Variants in INTU observed in about 807,000 individuals in gnomAD.
INTU encodes inturned planar cell polarity protein.
In INTU, 68 loss-of-function variants were observed where a neutral mutation model predicts 100.5. The observed-to-expected ratio is 0.68, with a 90% CI of 0.56 to 0.83. INTU has a LOEUF of 0.83. Among genes scored for constraint, INTU ranks in the 40% least tolerant of loss-of-function variants. The pLI, the probability that INTU is intolerant of heterozygous loss-of-function variation, is 0.00. For missense variants in INTU, 1,071 were observed against 1,114.7 expected (o/e 0.96, Z 0.56); for synonymous variants, 357 against 395.7 (o/e 0.90, Z 1.16).
chr4:127,650,349 A>G (rs1339805269), intron 2 of INTU, among the ~76,000 whole-genome samples: 1 of 148,246 alleles, frequency 6.7e-6, no homozygotes, highest in Non-Finnish European at 1.5e-5. Context: ...CATTAGGTAT[A>G]TCTCCCAATG....
At chr4:127,680,681 A>C (rs951260325) in intron 6 of INTU, among the ~76,000 whole-genome samples, 1 of 141,440 alleles carries the variant, frequency 7.1e-6, no homozygotes, top group African/African-American at 2.7e-5. Context: ...ATTCCCTTTG[A>C]AAACTGGCAC....
chr4:127,639,449 A>G (rs1727214412), intron 1 of INTU, among the ~76,000 whole-genome samples: 1 of 152,032 alleles, frequency 6.6e-6, no homozygotes, highest in African/African-American at 2.4e-5. Flanking sequence ...GATTATCTAT[A>G]TGTATTGATT....
intron 9 of INTU, among the ~76,000 whole-genome samples, chr4:127,703,325 A>C (rs1730731579): frequency 6.6e-6 from 1 of 152,186 alleles, no homozygotes; most frequent in Non-Finnish European, 1.5e-5. Flanking sequence ...TAAAAGTAAT[A>C]GCTGTGTACG....
At chr4:127,685,661 A>T (rs894880204) in intron 7 of INTU, 14 of 259,668 alleles carry the variant, frequency 5.4e-5, no homozygotes, top group Non-Finnish European at 1.0e-4. Context: ...GAATGTGGTT[A>T]TGAACTGCCT....
At chr4:127,702,405 A>G (rs1439834644) in intron 9 of INTU, among the ~76,000 whole-genome samples, 2 of 152,194 alleles carry the variant, frequency 1.3e-5, no homozygotes, top group Admixed American at 1.3e-4. Flanking sequence ...AAGCAACTTT[A>G]TTTGTAATAG....
chr4:127,661,497 C>G (rs1390259359), intron 3 of INTU, among the ~76,000 whole-genome samples: 1 of 152,120 alleles, frequency 6.6e-6, no homozygotes, highest in African/African-American at 2.4e-5. Context: ...ATGCACAACT[C>G]TCATAGACAC....
intron 2 of INTU, among the ~76,000 whole-genome samples, chr4:127,646,968 A>T (rs1318438260): frequency 6.6e-6 from 1 of 152,220 alleles, no homozygotes; most frequent in Non-Finnish European, 1.5e-5. Context: ...AATTAAAAGG[A>T]TCAATTTCAA....
chr4:127,691,568 T>C (rs1730126337), intron 8 of INTU, among the ~76,000 whole-genome samples: 1 of 152,104 alleles, frequency 6.6e-6, no homozygotes, highest in Non-Finnish European at 1.5e-5. Flanking sequence ...TCTTGTTTGG[T>C]GAAGTGTTTG....
chr4:127,711,859 G>C (rs1731107977), intron 14 of INTU, among the ~76,000 whole-genome samples: 2 of 152,072 alleles, frequency 1.3e-5, no homozygotes, highest in Admixed American at 1.3e-4. Flanking sequence ...AAATTTTTTG[G>C]CATTTGGTTG....
chr4:127,634,587 G>A (rs1371734412), intron 1 of INTU, among the ~76,000 whole-genome samples: 1 of 152,146 alleles, frequency 6.6e-6, no homozygotes, highest in Admixed American at 6.5e-5. Context: ...AGTATTTCAT[G>A]ATTCAAAATA....
At chr4:127,695,541 A>C (rs1370306595) in intron 8 of INTU, among the ~76,000 whole-genome samples, 1 of 152,194 alleles carries the variant, frequency 6.6e-6, no homozygotes, top group Non-Finnish European at 1.5e-5. Context: ...TGGGAGGCGG[A>C]GGCTCCTTAT....
In INTU at chr4:127,655,042, C is replaced by T. The variant is rs544548493; in HGVS notation, c.683-1594C>T. ...GCTCCTGAGGCTTCTGCATTCTTCA[C>T]GTAGTTCTCGAGCCTTGGTTTTTAG... On this transcript the variant is annotated intron_variant, in intron 2 of 15. Transcript: ENST00000335251. Among the ~76,000 whole-genome samples the T allele has an allele frequency of 1.2e-4, 18 of 152,232 alleles. 1 individual carries two copies. Among genetic ancestry groups the T allele is most frequent in the South Asian group, 1.0e-3 (5 of 4,820 alleles).
chr4:127,665,911 A>G (rs906495614), intron 4 of INTU, among the ~76,000 whole-genome samples: 3 of 152,188 alleles, frequency 2.0e-5, no homozygotes, highest in African/African-American at 7.2e-5. Flanking sequence ...GATCAAGTGA[A>G]TACGTGGGAT....
At chr4:127,658,408 C>T (rs933542448) in intron 3 of INTU, among the ~76,000 whole-genome samples, 1 of 152,138 alleles carries the variant, frequency 6.6e-6, no homozygotes, top group Non-Finnish European at 1.5e-5. Context: ...TGTACTGTTA[C>T]CCACTTTAGT....
chr4:127,634,019 T>C (rs1726959350), intron 1 of INTU, among the ~76,000 whole-genome samples: 1 of 152,194 alleles, frequency 6.6e-6, no homozygotes, highest in Non-Finnish European at 1.5e-5. Flanking sequence ...TGGTCAGTTT[T>C]AGGATGACAT....
chr4:127,649,192 A>T (rs1165893607), intron 2 of INTU, among the ~76,000 whole-genome samples: 5 of 152,160 alleles, frequency 3.3e-5, no homozygotes, highest in Admixed American at 2.6e-4. Context: ...AAGGAAAGGA[A>T]CTCTGAACTT....
chr4:127,646,495 G>A (rs1313404062), intron 2 of INTU, among the ~76,000 whole-genome samples: 1 of 151,996 alleles, frequency 6.6e-6, no homozygotes, highest in African/African-American at 2.4e-5. Flanking sequence ...TTTTCTTTTT[G>A]TGATATTAAC....
intron 1 of INTU, 119 bp downstream of exon 1, chr4:127,633,299 A>T: frequency 9.9e-7 from 1 of 1,012,776 alleles, no homozygotes; most frequent in Middle Eastern, 2.5e-4. Context: ...GGGTTCTATA[A>T]TAAGTGGGAT....
chr4:127,716,864 G>A lies in INTU; in HGVS notation c.*428G>A, dbSNP rs985224011. ...AATTGGGAGCAGGTGACCAGGTGCT[G>A]TAACTAAGTAGTGCTATGACCATGA... On this transcript the variant is annotated 3_prime_UTR_variant, in exon 16 of 16. Transcript: ENST00000335251. The A allele has an allele frequency of 6.6e-6, 1 of 152,452 alleles. No homozygotes were observed. The highest frequency in any genetic ancestry group is 1.5e-5 in the Non-Finnish European group (1 of 68,194). The allele number at this position is 152,452 out of a possible 1,614,324, so 9.4% of individuals were successfully genotyped here.
Sources: gnomAD v4.1 joint callset for allele counts (sites outside exome capture counted in the v4.1 genomes callset) on GRCh38, gnomAD v4.1.1 for gene constraint, MANE v1.5 for transcripts, NCBI Gene and HGNC (gene_info 2026-07-23, HGNC 2026-07-21) for gene names.